MTSS1: variants seen among roughly 807,000 people sequenced by gnomAD.
MTSS1 encodes MTSS I-BAR domain containing 1.
MTSS1 carries 18 observed loss-of-function variants against 79.0 expected under a neutral mutation model. That is an observed-to-expected ratio of 0.23 (90% CI 0.16 to 0.34). The LOEUF is 0.34. Among genes scored for constraint, MTSS1 ranks in the 10% least tolerant of loss-of-function variants. MTSS1 has a pLI of 1.00. For missense variants in MTSS1, 815 were observed against 986.2 expected, an observed-to-expected ratio of 0.83 and a Z score of 2.33; for synonymous variants, 341 against 368.6, an observed-to-expected ratio of 0.93 and a Z score of 0.86.
In MTSS1 at chr8:124,727,249, G is replaced by T. The variant is rs901948687; in HGVS notation, c.72+635C>A. Among the ~76,000 whole-genome samples, 1 of 152,236 alleles carries T rather than the reference G, an allele frequency of 6.6e-6. No individual in the cohort carries two copies. Among genetic ancestry groups the T allele is most frequent in the Non-Finnish European group, 1.5e-5 (1 of 68,038 alleles). On this transcript the variant is annotated intron_variant, in intron 1 of 13. Coordinates refer to ENST00000518547, the MANE Select transcript of MTSS1 (RefSeq NM_014751.6). The surrounding 1 kb of genome is among the most constrained non-coding windows in gnomAD (Gnocchi z 4.7). ...TTAGGCTCAGCTGGGAGAAGGCGGG[G>T]CCCCTGCAAGGCTGCCCGGGAACTT...
chr8:124,657,597 T>C (rs987188950), intron 3 of MTSS1, among the ~76,000 whole-genome samples: 2 of 152,038 alleles, frequency 1.3e-5, no homozygotes, highest in African/African-American at 4.8e-5. Flanking sequence ...CCAGCAACAC[T>C]GTGACAGAGA....
chr8:124,704,159 G>A lies in MTSS1; in HGVS notation c.105C>T (p.Asn35=), dbSNP rs149071022. The change falls in exon 2 of 14, where the codon AAC becomes AAT. Residue 35 remains asparagine (N), a synonymous_variant. Transcript: ENST00000518547. The part of the protein sequence containing the change: ...GSYPVWEDFI[N]KAGKLQSQLR... The stretch of plus-strand genomic sequence containing the variant: ...GCTGGGACTGCAGCTTTCCTGCTTT[G>A]TTTATGAAATCTTCCCAAACTGGAT... 5.6e-6 allele frequency: 9 copies of A among 1,613,844 alleles called. No homozygotes were observed. In the African/African-American group the frequency reaches 1.1e-4, roughly 19 times the overall value.
At chr8:124,687,155 G>A (rs1261792134) in intron 3 of MTSS1, among the ~76,000 whole-genome samples, 1 of 152,166 alleles carries the variant, frequency 6.6e-6, no homozygotes. Context: ...ACGCCAGAGC[G>A]ATGGGCATCA....
intron 1 of MTSS1, among the ~76,000 whole-genome samples, chr8:124,724,536 T>G (rs2135868072): frequency 6.6e-6 from 1 of 152,332 alleles, no homozygotes; most frequent in East Asian, 1.9e-4. Flanking sequence ...CTCGACATGC[T>G]GATTCTTGAG....
chr8:124,621,549 G>A (rs917297763), intron 3 of MTSS1, among the ~76,000 whole-genome samples: 7 of 151,474 alleles, frequency 4.6e-5, no homozygotes, highest in African/African-American at 7.2e-5. Flanking sequence ...CTTTCTGTTT[G>A]TGTGTTTTTT....
intron 3 of MTSS1, among the ~76,000 whole-genome samples, chr8:124,624,782 C>CA (rs1304210668): frequency 1.2e-4 from 18 of 152,156 alleles, no homozygotes; most frequent in Admixed American, 1.1e-3. Flanking sequence ...GAAGCTGACT[C>CA]AAAGAGGTGG....
chr8:124,628,104 T>G (rs1587409392), intron 3 of MTSS1, among the ~76,000 whole-genome samples: 1 of 151,628 alleles, frequency 6.6e-6, no homozygotes, highest in Non-Finnish European at 1.5e-5. Context: ...GAGATGGAGG[T>G]TGCAGTGAGC....
At chr8:124,558,853 C>T (rs753557084) in intron 10 of MTSS1, 2 of 1,536,716 alleles carry the variant, frequency 1.3e-6, no homozygotes, top group Non-Finnish European at 1.7e-6. Flanking sequence ...GGAGGGGCCA[C>T]ACGAGGGGAC....
intron 6 of MTSS1, chr8:124,580,555 A>G: frequency 6.5e-7 from 1 of 1,535,978 alleles, no homozygotes; most frequent in Non-Finnish European, 8.7e-7. Flanking sequence ...ACTTACCAAG[A>G]GTGTCCACTG....
chr8:124,562,089 T>C (rs1563752171), intron 10 of MTSS1, among the ~76,000 whole-genome samples: 1 of 152,020 alleles, frequency 6.6e-6, no homozygotes, highest in Non-Finnish European at 1.5e-5. Flanking sequence ...CCAATGACAC[T>C]AAGGGAGAGA....
chr8:124,613,503 A>T (rs1836262450), intron 3 of MTSS1, among the ~76,000 whole-genome samples: 1 of 152,228 alleles, frequency 6.6e-6, no homozygotes, highest in South Asian at 2.1e-4. Context: ...TTCTCAACTC[A>T]TTGCAAAATG....
In MTSS1 at chr8:124,608,375, C is replaced by A. The variant is rs150228379; in HGVS notation, c.209-17140G>T. ...GATTGTGGGACACAGGGGCTGACCA[C>A]ATGTCCCATGGATGAGCACTGGAGC... On this transcript the variant is annotated intron_variant, in intron 3 of 13. Transcript: ENST00000518547. Among the ~76,000 whole-genome samples, 37 of 152,356 alleles carry A rather than the reference C, an allele frequency of 2.4e-4. No individual in the cohort carries two copies. In the East Asian group the frequency reaches 7.1e-3, roughly 29 times the overall value.
At chr8:124,556,637 A>G in intron 11 of MTSS1, 1 of 553,432 alleles carries the variant, frequency 1.8e-6, no homozygotes, top group Admixed American at 3.5e-5. Context: ...CCCAAAGATT[A>G]AAAACCCTCA....
At chr8:124,639,844 T>A (rs537887442) in intron 3 of MTSS1, among the ~76,000 whole-genome samples, 7 of 152,220 alleles carry the variant, frequency 4.6e-5, no homozygotes, top group Non-Finnish European at 1.0e-4. Flanking sequence ...TTCGTTCAAT[T>A]TCTTGCCCCA....
Position 124,727,746 on chromosome 8 carries a change from C to G in MTSS1, c.72+138G>C. 1 of 740,334 alleles carries G rather than the reference C, an allele frequency of 1.4e-6. No homozygotes were observed. Among genetic ancestry groups the G allele is most frequent in the South Asian group, 1.8e-5 (1 of 55,200 alleles). The allele number at this position is 740,334 out of a possible 1,614,324, so 45.9% of individuals were successfully genotyped here. A position where few individuals can be genotyped will look rare whatever the true frequency, so the allele number is the denominator to read the frequency against. ...GCGCCCCGGGTGAGCAGGTGACACT[C>G]CGGCCGGGAGCTCCCGCAGGTGGCC... On this transcript the variant is annotated intron_variant, in intron 1 of 13. Transcript: ENST00000518547. The surrounding 1 kb of genome is among the most constrained non-coding windows in gnomAD (Gnocchi z 4.7).
At chr8:124,700,452 C>T (rs1829551609) in intron 2 of MTSS1, among the ~76,000 whole-genome samples, 2 of 152,150 alleles carry the variant, frequency 1.3e-5, no homozygotes, top group African/African-American at 4.8e-5. Flanking sequence ...GACTCACAGG[C>T]TTGGGCTTGA....
intron 3 of MTSS1, among the ~76,000 whole-genome samples, chr8:124,632,298 A>AAG (rs1563900752): frequency 6.7e-6 from 1 of 149,272 alleles, no homozygotes; most frequent in Admixed American, 6.7e-5. Flanking sequence ...AAAAAAAAAA[A>AAG]GGTAAGGAAC....
chr8:124,555,473 C>T (rs1473971723), intron 13 of MTSS1, among the ~76,000 whole-genome samples: 2 of 152,140 alleles, frequency 1.3e-5, no homozygotes, highest in Non-Finnish European at 2.9e-5. Flanking sequence ...GTCTCGATCT[C>T]CTGACCTCGT....
chr8:124,593,289 G>A (rs1474475061), intron 3 of MTSS1, among the ~76,000 whole-genome samples: 2 of 152,322 alleles, frequency 1.3e-5, no homozygotes, highest in East Asian at 3.9e-4. Flanking sequence ...AAGGAAACTG[G>A]CACACTCACT....
Sources: allele counts gnomAD v4.1 joint callset (sites outside exome capture counted in the v4.1 genomes callset), GRCh38; gene constraint gnomAD v4.1.1; non-coding constraint Gnocchi (gnomAD v3.1); transcripts MANE v1.5; gene names NCBI Gene and HGNC (gene_info 2026-07-23, HGNC 2026-07-21).